The following ABTB3 variants were observed in gnomAD, a reference collection of about 807,000 sequenced individuals.
ABTB3 encodes the protein ankyrin repeat and BTB domain containing 3.
the ABTB3 span, among the ~76,000 whole-genome samples, chr12:107,502,356 C>T: frequency 1.3e-5 from 2 of 151,958 alleles, no homozygotes; most frequent in African/African-American, 4.8e-5. Context: ...AGGTGTGAGC[C>T]ACCGTGCCCA....
At chr12:107,370,319 C>T in the ABTB3 span, among the ~76,000 whole-genome samples, 4 of 152,188 alleles carry the variant, frequency 2.6e-5, no homozygotes, top group Non-Finnish European at 5.9e-5. Flanking sequence ...GTTGACCTTC[C>T]CACCAATGAG....
chr12:107,339,779 G>A, the ABTB3 span, among the ~76,000 whole-genome samples: 6 of 152,242 alleles, frequency 3.9e-5, no homozygotes, highest in East Asian at 1.2e-3. Flanking sequence ...GCTTCTGAGT[G>A]TGGGTTGAGT....
chr12:107,497,100 G>C, the ABTB3 span, among the ~76,000 whole-genome samples: 1 of 152,056 alleles, frequency 6.6e-6, no homozygotes, highest in Non-Finnish European at 1.5e-5. Context: ...CTGGCACATA[G>C]TGGGTGTCAG....
At chr12:107,546,396 T>C in the ABTB3 span, among the ~76,000 whole-genome samples, 1 of 152,158 alleles carries the variant, frequency 6.6e-6, no homozygotes, top group Non-Finnish European at 1.5e-5. Flanking sequence ...ATTGGCCTGG[T>C]CACCCCAGTC....
At chr12:107,487,338 C>G in the ABTB3 span, among the ~76,000 whole-genome samples, 1 of 152,074 alleles carries the variant, frequency 6.6e-6, no homozygotes, top group Non-Finnish European at 1.5e-5. Flanking sequence ...TTTGGCTCAC[C>G]TGTGCCCTTT....
chr12:107,559,375 G>A, the ABTB3 span, among the ~76,000 whole-genome samples: 1 of 152,164 alleles, frequency 6.6e-6, no homozygotes, highest in African/African-American at 2.4e-5. Flanking sequence ...CCAACACTCA[G>A]GGGGAAAAAA....
the ABTB3 span, among the ~76,000 whole-genome samples, chr12:107,619,436 G>A: frequency 7.9e-5 from 12 of 152,232 alleles, no homozygotes; most frequent in East Asian, 1.9e-4. Context: ...CTTCTTATTC[G>A]GGTATAAATA....
the ABTB3 span, among the ~76,000 whole-genome samples, chr12:107,573,011 T>C: frequency 6.6e-6 from 1 of 152,172 alleles, no homozygotes; most frequent in Non-Finnish European, 1.5e-5. Flanking sequence ...CCCTTTGCCA[T>C]TTGCCCCATT....
At chr12:107,480,894 A>C in the ABTB3 span, among the ~76,000 whole-genome samples, 1 of 152,212 alleles carries the variant, frequency 6.6e-6, no homozygotes, top group African/African-American at 2.4e-5. Context: ...CCAACAGTAA[A>C]GAGAAGAAAA....
the ABTB3 span, among the ~76,000 whole-genome samples, chr12:107,632,985 C>A: frequency 3.3e-5 from 5 of 152,218 alleles, no homozygotes; most frequent in Admixed American, 6.5e-5. Flanking sequence ...TGTTCTCCCC[C>A]CTCCCGTCTG....
the ABTB3 span, among the ~76,000 whole-genome samples, chr12:107,398,261 C>T: frequency 2.0e-5 from 3 of 152,112 alleles, no homozygotes; most frequent in Non-Finnish European, 4.4e-5. Context: ...GTGAGGCCCA[C>T]GTTTGTTTCC....
the ABTB3 span, among the ~76,000 whole-genome samples, chr12:107,479,365 G>A: frequency 6.6e-6 from 1 of 151,588 alleles, no homozygotes; most frequent in African/African-American, 2.4e-5. Flanking sequence ...AGGTGCCCAG[G>A]GATTGAATCC....
chr12:107,334,987 T>A, the ABTB3 span, among the ~76,000 whole-genome samples: 1 of 152,122 alleles, frequency 6.6e-6, no homozygotes, highest in Admixed American at 6.5e-5. Flanking sequence ...TCAGACCCCA[T>A]GAAGAAGCAG....
chr12:107,585,547 A>G, the ABTB3 span, among the ~76,000 whole-genome samples: 1 of 152,126 alleles, frequency 6.6e-6, no homozygotes, highest in Admixed American at 6.5e-5. Flanking sequence ...GATGGTAGTA[A>G]CAGCTGCCTT....
At chr12:107,581,255 G>A in the ABTB3 span, 2 of 1,515,942 alleles carry the variant, frequency 1.3e-6, no homozygotes, top group Non-Finnish European at 1.8e-6. Flanking sequence ...CGTCCGCCAG[G>A]CGGCCCGGCT....
the ABTB3 span, among the ~76,000 whole-genome samples, chr12:107,369,111 CT>C: frequency 3.9e-5 from 6 of 152,074 alleles, no homozygotes; most frequent in South Asian, 2.1e-4. Flanking sequence ...AATCTACCAA[CT>C]TTTTTTTCTT....
At chr12:107,337,402 G>A in the ABTB3 span, among the ~76,000 whole-genome samples, 1 of 152,160 alleles carries the variant, frequency 6.6e-6, no homozygotes, top group Non-Finnish European at 1.5e-5. Flanking sequence ...GCTGCCCCAG[G>A]GAAAAGGAAA....
chr12:107,514,574 G>A, the ABTB3 span, among the ~76,000 whole-genome samples: 2 of 152,162 alleles, frequency 1.3e-5, no homozygotes, highest in Non-Finnish European at 2.9e-5. Flanking sequence ...AAATTGATGA[G>A]TAGTCCAAAA....
the ABTB3 span, among the ~76,000 whole-genome samples, chr12:107,541,261 T>C: frequency 2.6e-5 from 4 of 152,152 alleles, no homozygotes; most frequent in African/African-American, 9.7e-5. Context: ...GGATGTTAGG[T>C]AAATGTGTCA....
Sources: allele counts gnomAD v4.1 joint callset (sites outside exome capture counted in the v4.1 genomes callset), GRCh38; gene constraint gnomAD v4.1.1; transcripts MANE v1.5; gene names NCBI Gene and HGNC (gene_info 2026-07-23, HGNC 2026-07-21).